DYRK1A: variants seen among roughly 807,000 people sequenced by gnomAD.
The protein encoded by DYRK1A is dual specificity tyrosine phosphorylation regulated kinase 1A, also known as dual specificity tyrosine-phosphorylation-regulated kinase 1A.
Under a neutral mutation model 79.7 loss-of-function variants are expected in DYRK1A, and 9 were observed. That is an observed-to-expected ratio of 0.11 (90% CI 0.07 to 0.20). The LOEUF (loss-of-function observed/expected upper bound fraction) is 0.20, where lower values mean the gene tolerates loss of function less well. Ranked by LOEUF, DYRK1A falls within the 10% of genes least tolerant of loss-of-function variation. The probability of loss-of-function intolerance (pLI) is 1.00; values close to 1 mark genes in which losing one functional copy is unlikely to be tolerated. For missense variants in DYRK1A, 622 were observed against 956.0 expected (o/e 0.65, Z 4.61); for synonymous variants, 349 against 329.7 (o/e 1.06, Z -0.63).
In DYRK1A at chr21:37,458,304, G is replaced by GTGTGTGTA. The variant is rs1366699533; in HGVS notation, c.11-14377_11-14376insGTGTATGT. Among the ~76,000 whole-genome samples, 745 of 150,768 alleles carry GTGTGTGTA rather than the reference G, an allele frequency of 4.9e-3. 4 individuals are homozygous for GTGTGTGTA. The highest frequency in any genetic ancestry group is 8.7e-3 in the Non-Finnish European group (584 of 67,462). ...TGTGTGTGTGTGTGTGTGTGTGTGTGTGTACATATACATATGTATTATATT... is the reference window on the plus strand; with the variant it reads ...TGTGTGTGTGTGTGTGTGTGTGTGTGTGTGTGTATGTACATATACATATGTATTATATT... On this transcript the variant is annotated intron_variant, in intron 2 of 11. Coordinates refer to ENST00000647188, the MANE Select transcript of DYRK1A (RefSeq NM_001347721.2).
chr21:37,458,901 G>C (rs1354134638), intron 2 of DYRK1A, among the ~76,000 whole-genome samples: 2 of 152,176 alleles, frequency 1.3e-5, no homozygotes. Context: ...TCTGACCTGG[G>C]AGGAAGGAAG....
At position 37,411,376 on chromosome 21, in the gene DYRK1A, C is replaced by A. The variant is rs7276033; in HGVS notation, c.-76-8923C>A. On this transcript the variant is annotated intron_variant, in intron 1 of 11. Transcript: ENST00000647188. ...GTCTCCCCCCCAACCCCCTCCCCCCCAAAAAATGACAGTTATACTACATGA... is the reference window on the plus strand; with the variant it reads ...GTCTCCCCCCCAACCCCCTCCCCCCAAAAAAATGACAGTTATACTACATGA... Among the ~76,000 whole-genome samples the A allele has an allele frequency of 1.0e-2, 1,479 of 147,950 alleles. 14 individuals are homozygous for A. The highest frequency in any genetic ancestry group is 0.033 in the African/African-American group (1,321 of 39,934).
At chr21:37,409,488 C>T (rs2050205157) in intron 1 of DYRK1A, among the ~76,000 whole-genome samples, 1 of 152,070 alleles carries the variant, frequency 6.6e-6, no homozygotes, top group East Asian at 1.9e-4. Context: ...ATATATTTGT[C>T]CATTGTCATG....
At chr21:37,413,888 G>A (rs994459038) in intron 1 of DYRK1A, among the ~76,000 whole-genome samples, 1 of 152,082 alleles carries the variant, frequency 6.6e-6, no homozygotes, top group African/African-American at 2.4e-5. Context: ...TTTGCTCTTA[G>A]TTCCTGTTAG....
chr21:37,493,924 T>C lies in DYRK1A; in HGVS notation c.1071+761T>C, dbSNP rs142786944. On this transcript the variant is annotated intron_variant, in intron 8 of 11. Transcript: ENST00000647188. ...AAACTTGTTTCTTCCATCCTTCCTTTTAATTCTTCTTTTTTTTTTTTTTTT... is the reference window on the plus strand; with the variant it reads ...AAACTTGTTTCTTCCATCCTTCCTTCTAATTCTTCTTTTTTTTTTTTTTTT... 3.0e-3 allele frequency among the ~76,000 whole-genome samples: 438 copies of C among 148,258 alleles called. 5 individuals carry two copies. Among genetic ancestry groups the C allele is most frequent in the African/African-American group, 0.01 (410 of 40,526 alleles).
rs553946045 is a variant in DYRK1A at position 37,466,283 on chromosome 21, CAG to C, written c.11-6399_11-6398del. Among the ~76,000 whole-genome samples the C allele has an allele frequency of 4.6e-5, 7 of 152,234 alleles. No individual in the cohort carries two copies. In the East Asian group the frequency reaches 9.6e-4, roughly 21 times the overall value. On this transcript the variant is annotated intron_variant, in intron 2 of 11. Transcript: ENST00000647188. ...GGATGAGAGAGCAACAGAATTAAAACAGAAATCAACATAGTGGATGAGTTTAG... is the reference window on the plus strand; with the variant it reads ...GGATGAGAGAGCAACAGAATTAAAACAAATCAACATAGTGGATGAGTTTAG...
chr21:37,368,381 G>A (rs2049360745), intron 1 of DYRK1A, among the ~76,000 whole-genome samples: 1 of 152,212 alleles, frequency 6.6e-6, no homozygotes, highest in South Asian at 2.1e-4. Flanking sequence ...CACCAAAGCT[G>A]CTGAGTAGCT....
intron 5 of DYRK1A, among the ~76,000 whole-genome samples, chr21:37,483,059 A>G (rs1356563927): frequency 6.6e-6 from 1 of 152,222 alleles, no homozygotes; most frequent in African/African-American, 2.4e-5. Flanking sequence ...CTGAGGCGAC[A>G]TACATCCTCC....
At chr21:37,428,915 G>GCCAC (rs1169451178) in intron 2 of DYRK1A, 1 of 152,098 alleles carries the variant, frequency 6.6e-6, no homozygotes, top group Non-Finnish European at 1.5e-5. Flanking sequence ...ACAGGTATGA[G>GCCAC]CCACCGTGCC....
At chr21:37,383,359 T>C (rs1019438793) in intron 1 of DYRK1A, among the ~76,000 whole-genome samples, 3 of 152,244 alleles carry the variant, frequency 2.0e-5, no homozygotes, top group Non-Finnish European at 4.4e-5. Flanking sequence ...TGTTCTTAAC[T>C]ATGTAGCTTT....
chr21:37,399,999 A>G (rs1470999573), intron 1 of DYRK1A, among the ~76,000 whole-genome samples: 2 of 152,200 alleles, frequency 1.3e-5, no homozygotes, highest in African/African-American at 4.8e-5. Flanking sequence ...ATTCTCTTAC[A>G]GTTCTGGAGG....
intron 4 of DYRK1A, 89 bp from the exon 5 acceptor site, chr21:37,480,549 G>A (rs1051572870): frequency 2.0e-6 from 2 of 1,024,852 alleles, no homozygotes; most frequent in Non-Finnish European, 2.8e-6. Flanking sequence ...GTCAACTGTA[G>A]AAAATAGGTG....
chr21:37,369,580 G>T (rs1044878279), intron 1 of DYRK1A, among the ~76,000 whole-genome samples: 9 of 152,222 alleles, frequency 5.9e-5, no homozygotes, highest in Non-Finnish European at 1.5e-5. Flanking sequence ...GTTAAGACTA[G>T]TAAAAAGTTC....
intron 2 of DYRK1A, among the ~76,000 whole-genome samples, chr21:37,458,757 C>A (rs775053692): frequency 1.3e-5 from 2 of 152,136 alleles, no homozygotes; most frequent in East Asian, 3.8e-4. Flanking sequence ...CTTTGCACGC[C>A]GCAGAGGAAT....
chr21:37,502,137 A>G (rs543251540), intron 9 of DYRK1A: 43 of 152,328 alleles, frequency 2.8e-4, no homozygotes, highest in Admixed American at 2.6e-3. Context: ...AGACACACAC[A>G]CACACACTTT....
At chr21:37,380,382 G>A (rs910496460) in intron 1 of DYRK1A, among the ~76,000 whole-genome samples, 5 of 151,830 alleles carry the variant, frequency 3.3e-5, no homozygotes, top group African/African-American at 1.2e-4. Context: ...ATCTCATTGA[G>A]TATTTTACAG....
intron 10 of DYRK1A, 37 bp from the exon 11 acceptor site, chr21:37,506,062 A>G: frequency 6.3e-7 from 1 of 1,585,174 alleles, no homozygotes; most frequent in South Asian, 1.1e-5. Context: ...TGAATTTTAA[A>G]CTCACAGTTG....
At chr21:37,370,015 C>G (rs1303534178) in intron 1 of DYRK1A, among the ~76,000 whole-genome samples, 2 of 151,894 alleles carry the variant, frequency 1.3e-5, no homozygotes, top group African/African-American at 4.8e-5. Flanking sequence ...ATTTTTTTTC[C>G]CCTCCAAAAT....
rs202163681 is a variant in DYRK1A, at chr21:37,447,882, G to A, written c.11-24802G>A. Among the ~76,000 whole-genome samples the A allele has an allele frequency of 3.3e-5, 5 of 152,250 alleles. No homozygotes were observed. The East Asian group carries it at 9.6e-4, about 29-fold the overall frequency. ...TTAAGAAAGCACTTGGTGTTTTCTA[G>A]TAAATGTGAATTGTGGCGATTAAAA... On this transcript the variant is annotated intron_variant, in intron 2 of 11. Transcript: ENST00000647188.
Sources: gnomAD v4.1 joint callset for allele counts (sites outside exome capture counted in the v4.1 genomes callset) on GRCh38, gnomAD v4.1.1 for gene constraint, MANE v1.5 for transcripts, NCBI Gene and HGNC (gene_info 2026-07-23, HGNC 2026-07-21) for gene names.